The following INTS6 variants were observed in gnomAD, a reference collection of about 807,000 sequenced individuals.
INTS6 encodes DEAD box protein.
Under a neutral mutation model 104.9 loss-of-function variants are expected in INTS6, and 16 were observed. The ratio of observed to expected loss-of-function variants is 0.15; its 90% confidence interval spans 0.10 to 0.23. The LOEUF is 0.23. INTS6 is among the 10% of genes least tolerant of loss of function. INTS6 has a pLI of 1.00. For missense variants in INTS6, 584 were observed against 1,062.8 expected, an observed-to-expected ratio of 0.55 and a Z score of 6.26; for synonymous variants, 324 against 358.7, an observed-to-expected ratio of 0.90 and a Z score of 1.09.
the INTS6 span, among the ~76,000 whole-genome samples, chr13:51,346,740 T>C: frequency 2.6e-5 from 4 of 152,342 alleles, no homozygotes; most frequent in East Asian, 7.7e-4. Context: ...TTAAAGACTC[T>C]AGGTCTAGGA....
chr13:51,343,204 G>A, the INTS6 span, among the ~76,000 whole-genome samples: 75 of 152,324 alleles, frequency 4.9e-4, no homozygotes, highest in African/African-American at 1.6e-3. Context: ...GCCAGGTAGT[G>A]GAGGAAAAGA....
rs1566207586 is a variant in INTS6, at chr13:51,374,190, G to GA, written c.2104+17dup. 2.5e-6 allele frequency: 4 copies of GA among 1,592,226 alleles called. No individual in the cohort carries two copies. Among genetic ancestry groups the GA allele is most frequent in the South Asian group, 1.1e-5 (1 of 89,822 alleles). ...CCAAAAGGCAGCAAATAATGTTTAA[G>GA]AAAAAAACAATTCTTACTTTTATGA... On this transcript the variant is annotated intron_variant, in intron 15 of 17. Transcript: ENST00000311234.
intron 4 of INTS6, among the ~76,000 whole-genome samples, chr13:51,416,445 T>C (rs573702299): frequency 1.3e-5 from 2 of 152,334 alleles, no homozygotes; most frequent in Non-Finnish European, 2.9e-5. Flanking sequence ...TCTATGGATT[T>C]GCCTATTCTA....
chr13:51,396,710 T>C (rs1956345293), intron 4 of INTS6, among the ~76,000 whole-genome samples: 1 of 152,152 alleles, frequency 6.6e-6, no homozygotes, highest in Non-Finnish European at 1.5e-5. Context: ...AGGATCAAGT[T>C]AAACACCAGC....
rs138577421 is a variant in INTS6, at chr13:51,428,949, C to T, written c.429+1345G>A. On this transcript the variant is annotated intron_variant, in intron 4 of 17. Transcript: ENST00000311234. ...TTATATCTCTTTAGTGGTTCCAATGCCTCATGAAAGAATAATACTATATAC... is the reference window on the plus strand; with the variant it reads ...TTATATCTCTTTAGTGGTTCCAATGTCTCATGAAAGAATAATACTATATAC... Among the ~76,000 whole-genome samples the T allele has an allele frequency of 4.0e-3, 615 of 152,252 alleles. 7 individuals are homozygous for T. The highest frequency in any genetic ancestry group is 0.014 in the African/African-American group (583 of 41,532).
chr13:51,452,779 C>G lies in INTS6; in HGVS notation c.-254G>C, dbSNP rs554262170. 8.3e-6 allele frequency: 10 copies of G among 1,207,480 alleles called. No individual in the cohort carries two copies. In the East Asian group the frequency reaches 5.8e-4, roughly 69 times the overall value. The allele number at this position is 1,207,480 out of a possible 1,614,324, so 74.8% of individuals were successfully genotyped here. ...CTGCCTGCCTGCCCGCTGGGGCGGG[C>G]GCCCAGCCGTCTGTCTGTCGGTTCG... On this transcript the variant is annotated 5_prime_UTR_variant, in exon 1 of 18. Transcript: ENST00000311234. This position sits in a 1 kb window ranked among gnomAD's most constrained non-coding sequence, Gnocchi z 4.2.
At chr13:51,386,845 T>A (rs1268562485) in intron 7 of INTS6, among the ~76,000 whole-genome samples, 1 of 152,144 alleles carries the variant, frequency 6.6e-6, no homozygotes, top group African/African-American at 2.4e-5. Context: ...ATTTTAAGAA[T>A]TATATAATGA....
At position 51,378,377 on chromosome 13, in the gene INTS6, G is replaced by A. The variant is rs771506014; in HGVS notation, c.1464C>T (p.Ser488=). The A allele has an allele frequency of 9.9e-6, 16 of 1,613,196 alleles. No homozygotes were observed. In the East Asian group the frequency reaches 3.3e-4, roughly 34 times the overall value. ...ATGCCATTGATAAACCATGTGATCG[G>A]CTCCGGACTTTTATTCCAGTCTCCT... The part of the protein sequence containing the change: ...VVQETGIKVR[S]RSHGLSMAYR... Residue 488 remains serine, a synonymous_variant, in exon 12 of 18, where the codon AGC becomes AGT. Coordinates refer to ENST00000311234, the MANE Select transcript of INTS6 (RefSeq NM_012141.3).
intron 3 of INTS6, among the ~76,000 whole-genome samples, chr13:51,435,742 C>A (rs576764768): frequency 6.6e-6 from 1 of 152,142 alleles, no homozygotes; most frequent in South Asian, 2.1e-4. Context: ...GGAATGCTAC[C>A]TTACCCTTAA....
chr13:51,391,188 C>T (rs1300125382), intron 5 of INTS6, among the ~76,000 whole-genome samples: 1 of 151,992 alleles, frequency 6.6e-6, no homozygotes, highest in Non-Finnish European at 1.5e-5. Flanking sequence ...TCTTTACATG[C>T]AAAATATTAG....
chr13:51,378,125 C>T lies in INTS6; in HGVS notation c.1602+114G>A, dbSNP rs978939077. 11 of 761,456 alleles carry T rather than the reference C, an allele frequency of 1.4e-5. No individual in the cohort carries two copies. The African/African-American group carries it at 1.7e-4, about 12-fold the overall frequency. 47.2% of individuals were successfully genotyped at this position (761,456 alleles called of 1,614,324 possible). On this transcript the variant is annotated intron_variant, in intron 12 of 17. Coordinates refer to ENST00000311234, the MANE Select transcript of INTS6 (RefSeq NM_012141.3). ...TAATGATCATTAGTCTACAAGAGTA[C>T]AGAAGTACTCTTTAAAGTCTGGATA...
intron 4 of INTS6, among the ~76,000 whole-genome samples, chr13:51,409,638 A>G (rs1002424027): frequency 2.6e-5 from 4 of 151,732 alleles, no homozygotes; most frequent in African/African-American, 7.3e-5. Flanking sequence ...CATCATAGGT[A>G]GTATTTTTTT....
downstream of INTS6, among the ~76,000 whole-genome samples, chr13:51,349,832 T>A (rs1276593458): frequency 6.6e-6 from 1 of 152,206 alleles, no homozygotes; most frequent in Non-Finnish European, 1.5e-5. Flanking sequence ...TTTTTTTAAA[T>A]CTCCTTAAGA....
intron 4 of INTS6, among the ~76,000 whole-genome samples, chr13:51,429,789 T>A (rs541375233): frequency 0.32 from 25,743 of 79,582 alleles, 4,850 homozygotes; most frequent in African/African-American, 0.5. Flanking sequence ...AAAAAAAATA[T>A]ATATATATAT....
At position 51,354,556 on chromosome 13, in the gene INTS6, G is replaced by A. The variant is rs190100562; in HGVS notation, n.431-220C>T. ...GGATCACTTGAGGCCAGAAGTTTGA[G>A]TCCAGCCCGGGCAACATAGGGAGAC... On this transcript the variant is annotated intron_variant and non_coding_transcript_variant, in intron 3 of 3. Transcript: ENST00000476666. Among the ~76,000 whole-genome samples, 40 of 150,692 alleles carry A rather than the reference G, an allele frequency of 2.7e-4. No homozygotes were observed. In the East Asian group the frequency reaches 7.0e-3, roughly 26 times the overall value.
intron 3 of INTS6, 50 bp downstream of exon 3, chr13:51,450,975 T>C: frequency 6.9e-7 from 1 of 1,449,300 alleles, no homozygotes; most frequent in Non-Finnish European, 9.1e-7. Flanking sequence ...GACTGTGTTT[T>C]TCCACAAAAT....
intron 3 of INTS6, chr13:51,448,983 C>A (rs1404691122): frequency 3.3e-5 from 5 of 152,214 alleles, no homozygotes; most frequent in South Asian, 2.1e-4. Flanking sequence ...TTTGAGACAT[C>A]CAAAATTCCT....
At chr13:51,398,450 T>G (rs1292255163) in intron 4 of INTS6, among the ~76,000 whole-genome samples, 1 of 152,032 alleles carries the variant, frequency 6.6e-6, no homozygotes, top group Non-Finnish European at 1.5e-5. Context: ...TATAAACATG[T>G]AGGAAGATGA....
chr13:51,343,678 T>C, the INTS6 span, among the ~76,000 whole-genome samples: 1 of 152,226 alleles, frequency 6.6e-6, no homozygotes, highest in Non-Finnish European at 1.5e-5. Flanking sequence ...ACTTTTCCTC[T>C]GTATTTCTCA....
Sources: allele counts gnomAD v4.1 joint callset (sites outside exome capture counted in the v4.1 genomes callset), GRCh38; gene constraint gnomAD v4.1.1; non-coding constraint Gnocchi (gnomAD v3.1); transcripts MANE v1.5; gene names NCBI Gene and HGNC (gene_info 2026-07-23, HGNC 2026-07-21).